TXNDC12: variants seen among roughly 807,000 people sequenced by gnomAD.
The protein encoded by TXNDC12 is thioredoxin domain-containing protein 12.
Under a neutral mutation model 24.2 loss-of-function variants are expected in TXNDC12, and 22 were observed. That is an observed-to-expected ratio of 0.91 (90% CI 0.65 to 1.30). TXNDC12 has a LOEUF of 1.30. Among genes scored for constraint, TXNDC12 ranks in the 50% most tolerant of loss-of-function variants. TXNDC12 has a pLI of 0.00. For missense variants in TXNDC12, 184 were observed against 205.8 expected (o/e 0.89, Z 0.65); for synonymous variants, 58 against 73.4 (o/e 0.79, Z 1.07).
chr1:52,053,187 C>T (rs1039488346), intron 1 of TXNDC12, among the ~76,000 whole-genome samples: 3 of 151,820 alleles, frequency 2.0e-5, no homozygotes, highest in African/African-American at 7.3e-5. Flanking sequence ...CATTTGAACC[C>T]GGGAGGCAGA....
At chr1:52,033,193 G>C (rs746173933) in intron 2 of TXNDC12, 2 of 1,614,220 alleles carry the variant, frequency 1.2e-6, no homozygotes, top group Non-Finnish European at 1.7e-6. Flanking sequence ...CTCTGAATCC[G>C]GAGTCACAAG....
chr1:52,024,402 T>C, intron 5 of TXNDC12, 108 bp downstream of exon 5: 2 of 844,836 alleles, frequency 2.4e-6, no homozygotes, highest in Non-Finnish European at 3.9e-6. Context: ...CTGGTTTTTA[T>C]TTGTTTGTGG....
chr1:52,053,391 G>A (rs951718472), intron 1 of TXNDC12, among the ~76,000 whole-genome samples: 31 of 151,968 alleles, frequency 2.0e-4, no homozygotes, highest in African/African-American at 7.5e-4. Flanking sequence ...CTGGCTGGGC[G>A]CAGTGGCTCA....
Position 52,027,367 on chromosome 1 carries a change from T to A in TXNDC12, c.212-19A>T. The A allele has an allele frequency of 6.3e-7, 1 of 1,578,268 alleles. No individual in the cohort carries two copies. The highest frequency in any genetic ancestry group is 8.7e-7 in the Non-Finnish European group (1 of 1,148,802). On this transcript the variant is annotated intron_variant, in intron 3 of 6. Transcript: ENST00000371626. ...TTTAGAGCTGGGGGGAAAAAGATTT[T>A]GGAATAGAAGAAAAAACATCATTGT...
intron 5 of TXNDC12, 49 bp from the exon 6 acceptor site, chr1:52,023,623 G>C: frequency 1.4e-6 from 2 of 1,449,742 alleles, no homozygotes; most frequent in South Asian, 1.1e-5. Flanking sequence ...ACAACAGACA[G>C]GTACTTCAAA....
At chr1:52,048,126 ATTGTCAGAC>A (rs1253107634) in intron 1 of TXNDC12, among the ~76,000 whole-genome samples, 1 of 152,196 alleles carries the variant, frequency 6.6e-6, no homozygotes, top group Non-Finnish European at 1.5e-5. Flanking sequence ...AAAGACAAAA[ATTGTCAGAC>A]TTGGTTTAAG....
chr1:52,033,187 G>C (rs1276145975), intron 2 of TXNDC12: 1 of 1,614,236 alleles, frequency 6.2e-7, no homozygotes, highest in Non-Finnish European at 8.5e-7. Flanking sequence ...AGATTTCTCT[G>C]AATCCGGAGT....
intron 6 of TXNDC12, among the ~76,000 whole-genome samples, chr1:52,022,798 G>A (rs1370972809): frequency 6.6e-6 from 1 of 151,088 alleles, no homozygotes; most frequent in Non-Finnish European, 1.5e-5. Context: ...CTGCCACCAC[G>A]CCAGCTAATT....
At chr1:52,044,082 A>G (rs1402267002) in intron 1 of TXNDC12, 1 of 152,232 alleles carries the variant, frequency 6.6e-6, no homozygotes, top group Non-Finnish European at 1.5e-5. Flanking sequence ...CTATTGGTCA[A>G]TATCTAAACT....
intron 1 of TXNDC12, among the ~76,000 whole-genome samples, chr1:52,043,156 C>T (rs1686027562): frequency 6.6e-6 from 1 of 152,244 alleles, no homozygotes; most frequent in South Asian, 2.1e-4. Flanking sequence ...TCCCTCACCT[C>T]CAACTCATTC....
intron 2 of TXNDC12, among the ~76,000 whole-genome samples, chr1:52,035,019 T>C (rs982620585): frequency 6.6e-6 from 1 of 152,128 alleles, no homozygotes; most frequent in Non-Finnish European, 1.5e-5. Context: ...TGGCCTTGGC[T>C]TCCCAAAGTG....
chr1:52,038,514 GT>G (rs1685925797), intron 2 of TXNDC12, among the ~76,000 whole-genome samples: 2 of 152,098 alleles, frequency 1.3e-5, no homozygotes, highest in South Asian at 4.1e-4. Flanking sequence ...GTTTCACCAT[GT>G]TGGCCAGGCT....
At chr1:52,044,748 T>C (rs989029973) in intron 1 of TXNDC12, among the ~76,000 whole-genome samples, 1 of 152,074 alleles carries the variant, frequency 6.6e-6, no homozygotes, top group Admixed American at 6.6e-5. Flanking sequence ...CCGACGTGGA[T>C]GGATTGCCTG....
At chr1:52,043,102 C>T (rs1686026611) in intron 1 of TXNDC12, among the ~76,000 whole-genome samples, 1 of 152,202 alleles carries the variant, frequency 6.6e-6, no homozygotes, top group Admixed American at 6.5e-5. Context: ...CACTCTCTCC[C>T]CTCCAGGCTT....
chr1:52,048,632 T>C (rs1686142842), intron 1 of TXNDC12, among the ~76,000 whole-genome samples: 1 of 152,078 alleles, frequency 6.6e-6, no homozygotes, highest in Non-Finnish European at 1.5e-5. Context: ...TTTGGGAGGC[T>C]GAGGCAGGCA....
At position 52,020,662 on chromosome 1, in the gene TXNDC12, CA is replaced by C; in HGVS notation, c.*270del. The C allele has an allele frequency of 2.4e-6, 1 of 424,000 alleles. No homozygotes were observed. The highest frequency in any genetic ancestry group is 4.2e-6 in the Non-Finnish European group (1 of 238,138). 26.3% of individuals were successfully genotyped at this position (424,000 alleles called of 1,614,324 possible). On this transcript the variant is annotated 3_prime_UTR_variant, in exon 7 of 7. Transcript: ENST00000371626. ...CATCCAAGTGGCTCAAGTTTTGTGT[CA>C]GAAGGTTTCATTCTTTACATTCAAT...
intron 1 of TXNDC12, 32 bp from the exon 2 acceptor site, chr1:52,041,629 T>A: frequency 2.7e-6 from 4 of 1,492,814 alleles, no homozygotes; most frequent in Non-Finnish European, 3.7e-6. Flanking sequence ...AGCATTCACA[T>A]AATGAACAAA....
In TXNDC12 at chr1:52,023,949, T is replaced by C. The variant is rs553361874; in HGVS notation, c.356-375A>G. 1.0e-3 allele frequency among the ~76,000 whole-genome samples: 154 copies of C among 152,182 alleles called. 1 individual carries two copies. Among genetic ancestry groups the C allele is most frequent in the Non-Finnish European group, 1.9e-3 (126 of 68,008 alleles). On this transcript the variant is annotated intron_variant, in intron 5 of 6. Coordinates refer to ENST00000371626, the MANE Select transcript of TXNDC12 (RefSeq NM_015913.4). ...TCTAATACAGTGCTTGACATATGGC[T>C]GATGCGCAAATGGCTATTGAAGTGA... is the stretch of plus-strand genomic sequence containing the variant.
At chr1:52,032,550 G>T in intron 2 of TXNDC12, 1 of 1,403,268 alleles carries the variant, frequency 7.1e-7, no homozygotes, top group Non-Finnish European at 9.2e-7. Flanking sequence ...TGGCACAGGG[G>T]TATGCAGGAA....
Sources: gnomAD v4.1 joint callset for allele counts (sites outside exome capture counted in the v4.1 genomes callset) on GRCh38, gnomAD v4.1.1 for gene constraint, MANE v1.5 for transcripts, NCBI Gene and HGNC (gene_info 2026-07-23, HGNC 2026-07-21) for gene names.